FAT1: variants seen among roughly 807,000 people sequenced by gnomAD.
FAT1 encodes the protein protocadherin Fat 1.
FAT1 carries 171 observed loss-of-function variants against 329.8 expected under a neutral mutation model. The observed-to-expected ratio is 0.52, with a 90% confidence interval of 0.46 to 0.59. The LOEUF (loss-of-function observed/expected upper bound fraction) is 0.59, where lower values mean the gene tolerates loss of function less well. FAT1 is among the 20% of genes least tolerant of loss of function. The pLI is 0.00. For synonymous variants in FAT1, 2,233 were observed against 2,228.6 expected, an observed-to-expected ratio of 1.00 and a Z score of -0.06; for missense variants, 5,672 against 5,774.4, an observed-to-expected ratio of 0.98 and a Z score of 0.57.
intron 3 of FAT1, among the ~76,000 whole-genome samples, chr4:186,653,364 A>G (rs1741756515): frequency 6.6e-6 from 1 of 152,208 alleles, no homozygotes; most frequent in South Asian, 2.1e-4. Context: ...CTTGATACTG[A>G]TACTCTAATT....
chr4:186,590,507 A>C (rs1245445931), intron 26 of FAT1: 10 of 670,370 alleles, frequency 1.5e-5, no homozygotes, highest in Non-Finnish European at 2.4e-5. Flanking sequence ...CTGCTTACAG[A>C]GGCCCAATCA....
intron 2 of FAT1, among the ~76,000 whole-genome samples, chr4:186,670,933 C>T (rs926094872): frequency 6.6e-5 from 10 of 152,106 alleles, no homozygotes; most frequent in African/African-American, 2.4e-4. Flanking sequence ...AACAATGTAC[C>T]AATACTGATT....
intron 1 of FAT1, among the ~76,000 whole-genome samples, chr4:186,716,181 A>C (rs1745195359): frequency 6.6e-6 from 1 of 152,162 alleles, no homozygotes; most frequent in Admixed American, 6.5e-5. Context: ...TCTTACAAGC[A>C]CAAGTAGTCA....
intron 3 of FAT1, among the ~76,000 whole-genome samples, chr4:186,657,198 A>G (rs1231321203): frequency 6.6e-6 from 1 of 152,212 alleles, no homozygotes; most frequent in East Asian, 1.9e-4. Context: ...TTCACAGCGG[A>G]TTTACAAACT....
chr4:186,662,706 T>C (rs80165314), intron 3 of FAT1, among the ~76,000 whole-genome samples: 2,764 of 152,334 alleles, frequency 0.018, 103 homozygotes, highest in African/African-American at 0.063. Flanking sequence ...GTTTAAGATA[T>C]ATCACTAATT....
chr4:186,692,830 T>C (rs1743849526), intron 2 of FAT1, among the ~76,000 whole-genome samples: 1 of 152,174 alleles, frequency 6.6e-6, no homozygotes, highest in Admixed American at 6.5e-5. Flanking sequence ...GAAGTGGTGC[T>C]AATGAGAAAA....
At chr4:186,689,510 G>A (rs745582630) in intron 2 of FAT1, among the ~76,000 whole-genome samples, 6 of 152,132 alleles carry the variant, frequency 3.9e-5, no homozygotes, top group Admixed American at 2.0e-4. Context: ...TAACCAAAGC[G>A]AGAGAGAGTC....
In FAT1 at chr4:186,621,314, C is replaced by T. The variant is rs1740036177; in HGVS notation, c.5272G>A (p.Glu1758Lys). 1 of 1,614,046 alleles carries T rather than the reference C, an allele frequency of 6.2e-7. No homozygotes were observed. The highest frequency in any genetic ancestry group is 1.1e-5 in the South Asian group (1 of 91,090). Residue 1758 changes from glutamate (E) to lysine (K), a missense_variant, in exon 10 of 27, where the codon GAG becomes AAG. Physicochemically the swap from Glu to Lys is moderately conservative, Grantham distance 56. This residue lies in a region of FAT1 where 3,966 missense variants were observed against 3,915.2 expected (regional missense o/e 1.01). Coordinates refer to ENST00000441802, the MANE Select transcript of FAT1 (RefSeq NM_005245.4). Reference sequence around the variant, plus strand: ...ATAAAAACTGGCGCGTTGTCATTCTCATCCTGCAAGTGAACTAGAACCGTT... The same window carrying T: ...ATAAAAACTGGCGCGTTGTCATTCTTATCCTGCAAGTGAACTAGAACCGTT... ...NTTVLVHLQD[E>K]NDNAPVFMQA...
At chr4:186,634,674 A>G (rs1223661347) in intron 6 of FAT1, among the ~76,000 whole-genome samples, 1 of 152,216 alleles carries the variant, frequency 6.6e-6, no homozygotes, top group East Asian at 1.9e-4. Context: ...AACAAAAACA[A>G]AACAAGGCTT....
rs763354968 is a variant in FAT1, at chr4:186,707,851, G to T, written c.1977C>A (p.Ile659=). The T allele has an allele frequency of 6.2e-7, 1 of 1,613,774 alleles. No homozygotes were observed. Among genetic ancestry groups the T allele is most frequent in the South Asian group, 1.1e-5 (1 of 91,076 alleles). Residue 659 remains isoleucine (I), a synonymous_variant, in exon 2 of 27, where the codon ATC becomes ATA. Transcript: ENST00000441802. Reference sequence around the variant, plus strand: ...TGTGACTGGCAGCCACTGTTATGTTGATATATAATGGTGTGGCAAAATTTT... The same window carrying T: ...TGTGACTGGCAGCCACTGTTATGTTTATATATAATGGTGTGGCAAAATTTT... ...DGENFATPLY[I]NITVAASHKL...
chr4:186,603,696 G>A lies in FAT1; in HGVS notation c.10830C>T (p.Tyr3610=), dbSNP rs776354039. The change falls in exon 19 of 27, where the codon TAC becomes TAT. Residue 3610 remains tyrosine, a synonymous_variant. Coordinates refer to ENST00000441802, the MANE Select transcript of FAT1 (RefSeq NM_005245.4). ...CATCTGTTACGCTGACATTGAGAAG[G>A]TATTGCCCTATGTCTAGCTTTTTGT... ...IAHKKLDIGQ[Y]LLNVSVTDGK... 5 of 1,613,992 alleles carry A rather than the reference G, an allele frequency of 3.1e-6. No individual in the cohort carries two copies. Among genetic ancestry groups the A allele is most frequent in the Non-Finnish European group, 4.2e-6 (5 of 1,179,896 alleles).
intron 2 of FAT1, among the ~76,000 whole-genome samples, chr4:186,670,188 C>T (rs1379773033): frequency 6.6e-6 from 1 of 152,180 alleles, no homozygotes; most frequent in African/African-American, 2.4e-5. Context: ...TTCTGACTCT[C>T]AGAAATACCT....
At chr4:186,689,523 A>G (rs188194171) in intron 2 of FAT1, among the ~76,000 whole-genome samples, 2 of 152,240 alleles carry the variant, frequency 1.3e-5, no homozygotes, top group Non-Finnish European at 2.9e-5. Flanking sequence ...AGAGAGTCCA[A>G]GTCAAAAGAC....
In FAT1 at chr4:186,618,879, C is replaced by T. The variant is rs1222490948; in HGVS notation, c.7707G>A (p.Met2569Ile). ...CAACTTTTCCTCCAGCATCCTTAGC[C>T]ATTAAACGGACTGAGATCACTTTCT... ...PAEKVISVRL[M>I]AKDAGGKVAF... Residue 2569 changes from methionine (M) to isoleucine (I), a missense_variant, in exon 10 of 27, where the codon ATG becomes ATA. By Grantham distance (10) the Met-to-Ile change is conservative. Transcript: ENST00000441802. 1 of 1,613,980 alleles carries T rather than the reference C, an allele frequency of 6.2e-7. No individual in the cohort carries two copies. The highest frequency in any genetic ancestry group is 1.3e-5 in the African/African-American group (1 of 75,042).
At position 186,588,937 on chromosome 4, in the gene FAT1, C is replaced by G; in HGVS notation, c.13422G>C (p.Leu4474Phe). The part of the protein sequence containing the change: ...PPRDMPAAGS[L>F]GSSSRNRQRF... ...TCTGCCGGTTTCTTGATGAAGAACC[C>G]AAGCTACCCGCGGCAGGCATGTCTC... Residue 4474 changes from leucine (L) to phenylalanine (F), a missense_variant, in exon 27 of 27, where the codon TTG becomes TTC. By Grantham distance (22) the Leu-to-Phe change is conservative (BLOSUM62 0). Around this residue, in one of 2 missense-constraint regions of FAT1, gnomAD observed 1,706 missense variants for 1,859.1 expected, o/e 0.92. Transcript: ENST00000441802. The G allele has an allele frequency of 1.2e-6, 2 of 1,613,906 alleles. No individual in the cohort carries two copies. Among genetic ancestry groups the G allele is most frequent in the Non-Finnish European group, 1.7e-6 (2 of 1,179,860 alleles).
chr4:186,701,438 A>G (rs1192143748), intron 2 of FAT1, among the ~76,000 whole-genome samples: 1 of 152,222 alleles, frequency 6.6e-6, no homozygotes, highest in Non-Finnish European at 1.5e-5. Context: ...AAGAGCCAAG[A>G]GGACAGCAGC....
At chr4:186,602,238 A>T (rs1012116322) in intron 20 of FAT1, among the ~76,000 whole-genome samples, 1 of 152,238 alleles carries the variant, frequency 6.6e-6, no homozygotes, top group Non-Finnish European at 1.5e-5. Context: ...ACCTTCATAC[A>T]TAACTGGGAG....
chr4:186,701,862 G>A (rs535955044), intron 2 of FAT1, among the ~76,000 whole-genome samples: 1 of 152,370 alleles, frequency 6.6e-6, no homozygotes, highest in South Asian at 2.1e-4. Flanking sequence ...CCTGACTGAG[G>A]TCAACAATCA....
chr4:186,663,961 T>C (rs1226341658), intron 2 of FAT1, among the ~76,000 whole-genome samples: 1 of 152,188 alleles, frequency 6.6e-6, no homozygotes, highest in Non-Finnish European at 1.5e-5. Flanking sequence ...GATCATCTAA[T>C]GGCCCAACAC....
Sources: allele counts gnomAD v4.1 joint callset (sites outside exome capture counted in the v4.1 genomes callset), GRCh38; gene constraint gnomAD v4.1.1; regional missense constraint gnomAD v4.1.1; transcripts MANE v1.5; gene names NCBI Gene and HGNC (gene_info 2026-07-23, HGNC 2026-07-21).